PPP1R21: variants seen among roughly 807,000 people sequenced by gnomAD.
The protein encoded by PPP1R21 is KLRAQ motif containing 1.
A neutral mutation model predicts 112.8 loss-of-function variants in PPP1R21; 85 were observed. The observed-to-expected ratio is 0.75, with a 90% CI of 0.63 to 0.90. The LOEUF is 0.90. Among genes scored for constraint, PPP1R21 ranks in the 40% least tolerant of loss-of-function variants. The pLI is 0.00. For synonymous variants in PPP1R21, 381 were observed against 322.3 expected (o/e 1.18, Z -1.95); for missense variants, 1,199 against 901.5 (o/e 1.33, Z -4.23).
chr2:48,473,102 A>G (rs893992517), intron 11 of PPP1R21, among the ~76,000 whole-genome samples: 23 of 151,128 alleles, frequency 1.5e-4, no homozygotes, highest in African/African-American at 5.6e-4. Context: ...TTTTATTATT[A>G]AAAAAATTAA....
At chr2:48,475,890 A>T (rs1668732172) in intron 12 of PPP1R21, among the ~76,000 whole-genome samples, 1 of 152,168 alleles carries the variant, frequency 6.6e-6, no homozygotes, top group African/African-American at 2.4e-5. Flanking sequence ...ACCTCATTTT[A>T]AATGACATTT....
intron 1 of PPP1R21, 152 bp downstream of exon 1, chr2:48,441,162 C>T (rs1444725780): frequency 3.1e-6 from 2 of 648,888 alleles, no homozygotes; most frequent in East Asian, 3.1e-5. Flanking sequence ...CATTACGGTG[C>T]CTCCACCTGC....
At chr2:48,491,199 C>G in intron 15 of PPP1R21, 29 bp downstream of exon 15, 2 of 1,599,900 alleles carry the variant, frequency 1.3e-6, no homozygotes, top group Non-Finnish European at 1.7e-6. Context: ...ATATTTAAAT[C>G]AGAGGAAACA....
At chr2:48,469,471 T>TATATAGAGAGAGAGC (rs1668390500) in intron 9 of PPP1R21, among the ~76,000 whole-genome samples, 1 of 39,208 alleles carries the variant, frequency 2.6e-5, no homozygotes, top group Non-Finnish European at 5.4e-5. Context: ...ATATAGAGCA[T>TATATAGAGAGAGAGC]ATATATATAT....
At chr2:48,493,207 A>C (rs1029992192) in intron 15 of PPP1R21, among the ~76,000 whole-genome samples, 1 of 151,894 alleles carries the variant, frequency 6.6e-6, no homozygotes, top group Non-Finnish European at 1.5e-5. Context: ...GGGTTTCACC[A>C]TGTTAGCCAG....
intron 17 of PPP1R21, among the ~76,000 whole-genome samples, chr2:48,505,241 G>C (rs972310130): frequency 6.6e-6 from 1 of 152,184 alleles, no homozygotes; most frequent in South Asian, 2.1e-4. Flanking sequence ...TTTGGGAATA[G>C]GTGTAGAAAT....
intron 16 of PPP1R21, 97 bp from the exon 17 acceptor site, chr2:48,498,396 T>C (rs1275749113): frequency 8.7e-7 from 1 of 1,150,010 alleles, no homozygotes; most frequent in Non-Finnish European, 1.3e-6. Flanking sequence ...TTTACCTCTG[T>C]GGGGTAGTTT....
At chr2:48,492,097 A>C (rs991329874) in intron 15 of PPP1R21, among the ~76,000 whole-genome samples, 2 of 152,170 alleles carry the variant, frequency 1.3e-5, no homozygotes, top group Non-Finnish European at 2.9e-5. Context: ...CAATTTGTGC[A>C]TTTTACTTTT....
At position 48,507,708 on chromosome 2, in the gene PPP1R21, T is replaced by G. The variant is rs536019003; in HGVS notation, c.2085+323T>G. Among the ~76,000 whole-genome samples, 411 of 150,556 alleles carry G rather than the reference T, an allele frequency of 2.7e-3. 1 individual carries two copies. Among genetic ancestry groups the G allele is most frequent in the African/African-American group, 9.4e-3 (385 of 41,052 alleles). ...TAGTCTGTATACCAACTAAAAATCT[T>G]TATTTCAATAAATATAAGACTGATT... On this transcript the variant is annotated intron_variant, in intron 19 of 21. Transcript: ENST00000294952.
Position 48,511,373 on chromosome 2 carries a change from G to T in PPP1R21, c.2218G>T (p.Asp740Tyr). The change falls in exon 21 of 22, where the codon GAT becomes TAT. Residue 740 changes from aspartate to tyrosine, a missense_variant. Coordinates refer to ENST00000294952, the MANE Select transcript of PPP1R21 (RefSeq NM_001135629.3). ...ELTTTKRSYE[D>Y]QLSMMSDHLC... ...GACAACTACCAAGAGGAGTTACGAG[G>T]ATCAGTTAAGTATGATGAGTGACCA... 1 of 1,613,970 alleles carries T rather than the reference G, an allele frequency of 6.2e-7. No homozygotes were observed. The highest frequency in any genetic ancestry group is 8.5e-7 in the Non-Finnish European group (1 of 1,179,972).
chr2:48,486,514 C>A, intron 13 of PPP1R21, 117 bp from the exon 14 acceptor site: 12 of 768,432 alleles, frequency 1.6e-5, no homozygotes, highest in Non-Finnish European at 2.5e-5. Context: ...TGAGACCATT[C>A]TTTGTCAAAT....
chr2:48,500,711 G>T (rs1036562062), intron 17 of PPP1R21, among the ~76,000 whole-genome samples: 1 of 152,112 alleles, frequency 6.6e-6, no homozygotes, highest in African/African-American at 2.4e-5. Flanking sequence ...AGGAGTTCGA[G>T]ACCTGGGCAA....
intron 2 of PPP1R21, 41 bp downstream of exon 2, chr2:48,451,117 A>AT (rs1408310173): frequency 1.3e-6 from 2 of 1,531,154 alleles, no homozygotes; most frequent in Non-Finnish European, 1.8e-6. Flanking sequence ...TTAAGTTAGC[A>AT]TTTGGTGTTG....
At chr2:48,484,494 T>C (rs1669182056) in intron 13 of PPP1R21, among the ~76,000 whole-genome samples, 1 of 151,072 alleles carries the variant, frequency 6.6e-6, no homozygotes, top group Non-Finnish European at 1.5e-5. Context: ...TTAAAATCTT[T>C]GGACTAAATA....
chr2:48,503,813 C>T (rs187199339), intron 17 of PPP1R21, among the ~76,000 whole-genome samples: 17 of 151,714 alleles, frequency 1.1e-4, no homozygotes, highest in Admixed American at 5.3e-4. Context: ...ATTAGCTGGG[C>T]GTGGTGGTGG....
chr2:48,462,909 G>A (rs1668038681), intron 7 of PPP1R21, among the ~76,000 whole-genome samples: 1 of 152,202 alleles, frequency 6.6e-6, no homozygotes, highest in African/African-American at 2.4e-5. Context: ...GGAAGATCTT[G>A]TGGAAGGAGA....
intron 14 of PPP1R21, 40 bp downstream of exon 14, chr2:48,486,798 A>T: frequency 1.3e-6 from 2 of 1,578,270 alleles, no homozygotes; most frequent in South Asian, 2.3e-5. Flanking sequence ...AAAACTCTTA[A>T]ATATGTGCTT....
At chr2:48,454,254 C>G (rs1667609979) in intron 2 of PPP1R21, among the ~76,000 whole-genome samples, 1 of 147,658 alleles carries the variant, frequency 6.8e-6, no homozygotes, top group Admixed American at 6.7e-5. Flanking sequence ...GAGCGAGACT[C>G]TGTCTCAAAA....
At chr2:48,501,644 C>T (rs1043779643) in intron 17 of PPP1R21, among the ~76,000 whole-genome samples, 3 of 152,022 alleles carry the variant, frequency 2.0e-5, no homozygotes, top group African/African-American at 4.8e-5. Flanking sequence ...ACAGAATAGC[C>T]GACATAAACT....
Sources: allele counts gnomAD v4.1 joint callset (sites outside exome capture counted in the v4.1 genomes callset), GRCh38; gene constraint gnomAD v4.1.1; transcripts MANE v1.5; gene names NCBI Gene and HGNC (gene_info 2026-07-23, HGNC 2026-07-21).